The following PIP4K2A variants were observed in gnomAD, a reference collection of about 807,000 sequenced individuals.
PIP4K2A encodes phosphatidylinositol-5-phosphate 4-kinase type 2 alpha.
Under a neutral mutation model 42.9 loss-of-function variants are expected in PIP4K2A, and 14 were observed. The ratio of observed to expected loss-of-function variants is 0.33; its 90% confidence interval spans 0.22 to 0.51. The LOEUF is 0.51. Ranked by LOEUF, PIP4K2A falls within the 20% of genes least tolerant of loss-of-function variation. PIP4K2A has a pLI of 0.97. For synonymous variants in PIP4K2A, 192 were observed against 192.2 expected, an observed-to-expected ratio of 1.00 and a Z score of 0.01; for missense variants, 434 against 519.8, an observed-to-expected ratio of 0.83 and a Z score of 1.61.
intron 4 of PIP4K2A, among the ~76,000 whole-genome samples, 177 bp from the exon 5 acceptor site, chr10:22,573,634 C>T (rs1837042068): frequency 6.6e-6 from 1 of 151,770 alleles, no homozygotes; most frequent in South Asian, 2.1e-4. Flanking sequence ...TGTTCACCAT[C>T]TCTACACAGA....
chr10:22,538,146 C>G (rs1015723466), intron 9 of PIP4K2A, among the ~76,000 whole-genome samples: 3 of 152,214 alleles, frequency 2.0e-5, no homozygotes, highest in Non-Finnish European at 4.4e-5. Flanking sequence ...CACCGGGGAA[C>G]TTGTAATATT....
intron 1 of PIP4K2A, among the ~76,000 whole-genome samples, chr10:22,643,071 T>C (rs962204697): frequency 7.9e-5 from 12 of 152,118 alleles, no homozygotes; most frequent in Non-Finnish European, 1.5e-4. Context: ...AAACACCTAG[T>C]TCTCCCTGTG....
At chr10:22,671,745 TAC>T (rs143696456) in intron 1 of PIP4K2A, among the ~76,000 whole-genome samples, 560 of 143,852 alleles carry the variant, frequency 3.9e-3, no homozygotes, top group Middle Eastern at 0.011. Flanking sequence ...ACTTGGAAAA[TAC>T]ACACACACAC....
chr10:22,539,724 CAGCAGTG>C (rs1836041519), intron 9 of PIP4K2A: 1 of 478,348 alleles, frequency 2.1e-6, no homozygotes, highest in Non-Finnish European at 3.8e-6. Flanking sequence ...GTGGTAAGAG[CAGCAGTG>C]AGCAGTAAGC....
chr10:22,575,995 C>T (rs1332661839), intron 4 of PIP4K2A, among the ~76,000 whole-genome samples: 2 of 151,906 alleles, frequency 1.3e-5, no homozygotes, highest in African/African-American at 2.4e-5. Flanking sequence ...AGTCTACACA[C>T]AGTTGTTCTC....
intron 4 of PIP4K2A, among the ~76,000 whole-genome samples, chr10:22,579,128 C>T (rs781306286): frequency 3.3e-5 from 5 of 151,918 alleles, no homozygotes; most frequent in South Asian, 2.1e-4. Flanking sequence ...CACAAAATAA[C>T]GGTTTAAGGA....
rs75162215 is a variant in PIP4K2A, at chr10:22,624,067, G to A, written c.145-14350C>T. ...TGATACTCCAGAGCTATCAAAATGC[G>A]CAAGTCATTTAAAATCTAAGCACTC... On this transcript the variant is annotated intron_variant, in intron 1 of 9. Coordinates refer to ENST00000376573, the MANE Select transcript of PIP4K2A (RefSeq NM_005028.5). Among the ~76,000 whole-genome samples the A allele has an allele frequency of 3.9e-4, 60 of 152,252 alleles. 1 individual carries two copies. Among genetic ancestry groups the A allele is most frequent in the Admixed American group, 1.6e-3 (25 of 15,296 alleles).
intron 6 of PIP4K2A, among the ~76,000 whole-genome samples, chr10:22,558,902 G>C (rs552245124): frequency 6.6e-6 from 1 of 152,234 alleles, no homozygotes; most frequent in Non-Finnish European, 1.5e-5. Flanking sequence ...TTTCCCTCAA[G>C]CTAATACGTA....
chr10:22,584,717 C>G (rs1315559976), intron 4 of PIP4K2A, among the ~76,000 whole-genome samples: 3 of 152,164 alleles, frequency 2.0e-5, no homozygotes, highest in Admixed American at 6.5e-5. Context: ...AATACCTTCC[C>G]CTGTTTCTAA....
intron 1 of PIP4K2A, among the ~76,000 whole-genome samples, chr10:22,683,301 G>A (rs142995389): frequency 1.6e-3 from 236 of 152,116 alleles, no homozygotes; most frequent in African/African-American, 5.2e-3. Flanking sequence ...GTTTTTCACT[G>A]TGATCTTAAG....
At chr10:22,699,217 A>C (rs1045718363) in intron 1 of PIP4K2A, among the ~76,000 whole-genome samples, 1 of 152,192 alleles carries the variant, frequency 6.6e-6, no homozygotes, top group African/African-American at 2.4e-5. Context: ...CTGATGCCAA[A>C]GCATTTAACT....
chr10:22,651,482 A>G (rs1178414450), intron 1 of PIP4K2A, among the ~76,000 whole-genome samples: 1 of 152,170 alleles, frequency 6.6e-6, no homozygotes, highest in Non-Finnish European at 1.5e-5. Flanking sequence ...CCTCCCACGC[A>G]GCAACTCTGC....
At chr10:22,597,432 T>C (rs1173349733) in intron 3 of PIP4K2A, among the ~76,000 whole-genome samples, 2 of 152,196 alleles carry the variant, frequency 1.3e-5, no homozygotes, top group Non-Finnish European at 2.9e-5. Flanking sequence ...TTTAAATTAG[T>C]TTATGTGGTC....
At chr10:22,615,861 T>A (rs976590236) in intron 1 of PIP4K2A, among the ~76,000 whole-genome samples, 2 of 151,940 alleles carry the variant, frequency 1.3e-5, no homozygotes, top group Non-Finnish European at 2.9e-5. Context: ...GTAAAACAAG[T>A]GTATTAGAAA....
chr10:22,637,233 A>C (rs1206207402), intron 1 of PIP4K2A, among the ~76,000 whole-genome samples: 1 of 152,168 alleles, frequency 6.6e-6, no homozygotes, highest in Non-Finnish European at 1.5e-5. Flanking sequence ...CTCTGGAACT[A>C]AGCACCTTTG....
rs370166790 is a variant in PIP4K2A at position 22,573,949 on chromosome 10, C to T, written c.493-492G>A. On this transcript the variant is annotated intron_variant, in intron 4 of 9. Coordinates refer to ENST00000376573, the MANE Select transcript of PIP4K2A (RefSeq NM_005028.5). Reference sequence around the variant, plus strand: ...AAGCTGGGAGGGCAGAGCTAAGCTTCTCAAGAGAGCAGGGGAGAAGGGGGC... The same window carrying T: ...AAGCTGGGAGGGCAGAGCTAAGCTTTTCAAGAGAGCAGGGGAGAAGGGGGC... Among the ~76,000 whole-genome samples the T allele has an allele frequency of 3.3e-5, 5 of 152,362 alleles. No individual in the cohort carries two copies. The South Asian group carries it at 8.3e-4, about 25-fold the overall frequency.
chr10:22,535,584 G>A lies in PIP4K2A; in HGVS notation c.*1617C>T, dbSNP rs375568007. 6.6e-6 allele frequency: 1 copy of A among 151,462 alleles called. No homozygotes were observed. The allele number at this position is 151,462 out of a possible 1,614,324, so 9.4% of individuals were successfully genotyped here. On this transcript the variant is annotated 3_prime_UTR_variant, in exon 10 of 10. Transcript: ENST00000376573. ...AGTAATAATTAAAGGGTCGATTTTTGTTTGTTTGTTTTCTTTTCTGAAACT... is the reference window on the plus strand; with the variant it reads ...AGTAATAATTAAAGGGTCGATTTTTATTTGTTTGTTTTCTTTTCTGAAACT...
chr10:22,563,822 ACT>A (rs1836769240), intron 6 of PIP4K2A, among the ~76,000 whole-genome samples: 3 of 152,204 alleles, frequency 2.0e-5, no homozygotes, highest in South Asian at 4.1e-4. Flanking sequence ...TCATCTGGTG[ACT>A]GTTAAGGATT....
At chr10:22,585,266 G>A (rs1720239886) in intron 4 of PIP4K2A, among the ~76,000 whole-genome samples, 1 of 152,128 alleles carries the variant, frequency 6.6e-6, no homozygotes. Context: ...GAAGTCACAT[G>A]TTTGCCCTAA....
Sources: gnomAD v4.1 joint callset for allele counts (sites outside exome capture counted in the v4.1 genomes callset) on GRCh38, gnomAD v4.1.1 for gene constraint, MANE v1.5 for transcripts, NCBI Gene and HGNC (gene_info 2026-07-23, HGNC 2026-07-21) for gene names.